Variants in MAGI2 observed in about 807,000 individuals in gnomAD.
The protein encoded by MAGI2 is membrane associated guanylate kinase, WW and PDZ domain containing 2, also known as membrane-associated guanylate kinase, WW and PDZ domain-containing protein 2.
In MAGI2, 35 loss-of-function variants were observed where a neutral mutation model predicts 133.3. The ratio of observed to expected loss-of-function variants is 0.26; its 90% CI spans 0.20 to 0.35. MAGI2 has a LOEUF of 0.35. Ranked by LOEUF, MAGI2 falls within the 10% of genes least tolerant of loss-of-function variation. The probability of loss-of-function intolerance (pLI) is 1.00; values close to 1 mark genes in which losing one functional copy is unlikely to be tolerated. For synonymous variants in MAGI2, 729 were observed against 710.6 expected, an observed-to-expected ratio of 1.03 and a Z score of -0.41; for missense variants, 1,636 against 1,863.4, an observed-to-expected ratio of 0.88 and a Z score of 2.25.
At chr7:78,797,541 G>C (rs935825139) in intron 2 of MAGI2, among the ~76,000 whole-genome samples, 1 of 152,078 alleles carries the variant, frequency 6.6e-6, no homozygotes, top group African/African-American at 2.4e-5. Flanking sequence ...ATTTTAAGAA[G>C]AGTAATTGGA....
intron 3 of MAGI2, chr7:78,616,555 T>C (rs1563248186): frequency 6.6e-6 from 1 of 152,086 alleles, no homozygotes; most frequent in Non-Finnish European, 1.5e-5. Context: ...ACTATGGGAA[T>C]GGCCATAGCA....
intron 1 of MAGI2, among the ~76,000 whole-genome samples, chr7:79,234,779 C>T (rs1317174594): frequency 1.3e-5 from 2 of 151,000 alleles, no homozygotes; most frequent in Non-Finnish European, 3.0e-5. Flanking sequence ...CGTCTGAAGC[C>T]TTCTTCTCTC....
rs114469971 is a variant in MAGI2, at chr7:78,043,966, A to G, written c.3707-23990T>C. ...ATTAATGGATTGGGCCAGTTACTAG[A>G]GTAGAAATCTTTCAGGTTCAAGCTA... is the stretch of plus-strand genomic sequence containing the variant. On this transcript the variant is annotated intron_variant, in intron 21 of 21. Transcript: ENST00000354212. Among the ~76,000 whole-genome samples the G allele has an allele frequency of 6.3e-3, 966 of 152,348 alleles. 11 individuals are homozygous for G. The highest frequency in any genetic ancestry group is 0.022 in the African/African-American group (927 of 41,582).
intron 21 of MAGI2, among the ~76,000 whole-genome samples, chr7:78,021,953 T>C (rs1443301282): frequency 6.6e-6 from 1 of 152,202 alleles, no homozygotes; most frequent in Non-Finnish European, 1.5e-5. Context: ...TGCCTACTTA[T>C]GGATTGGGCT....
intron 2 of MAGI2, among the ~76,000 whole-genome samples, chr7:78,820,710 G>C (rs1355194249): frequency 6.6e-6 from 1 of 151,884 alleles, no homozygotes; most frequent in African/African-American, 2.4e-5. Context: ...TAAAGTCAAA[G>C]TATTTCTTCT....
intron 2 of MAGI2, among the ~76,000 whole-genome samples, chr7:78,764,439 G>A (rs973838646): frequency 4.6e-5 from 7 of 152,150 alleles, no homozygotes; most frequent in Admixed American, 3.9e-4. Flanking sequence ...ATAAAATCTC[G>A]ATGAATTTGT....
rs201246548 is a variant in MAGI2 at position 78,545,475 on chromosome 7, G to A, written c.539-23830C>T. 7.2e-5 allele frequency among the ~76,000 whole-genome samples: 11 copies of A among 152,216 alleles called. No individual in the cohort carries two copies. The East Asian group carries it at 2.1e-3, about 29-fold the overall frequency. ...GATCCACTCACCTCAGCCTCCCAAA[G>A]TGCTGGGATTACAGGTGTGAGCCAC... On this transcript the variant is annotated intron_variant, in intron 3 of 21. Coordinates refer to ENST00000354212, the MANE Select transcript of MAGI2 (RefSeq NM_012301.4).
intron 1 of MAGI2, among the ~76,000 whole-genome samples, chr7:79,388,226 TTTTA>T (rs1844334831): frequency 1.3e-5 from 2 of 152,012 alleles, no homozygotes; most frequent in South Asian, 4.1e-4. Flanking sequence ...AAAACATGCC[TTTTA>T]AATCTCTGAC....
intron 6 of MAGI2, among the ~76,000 whole-genome samples, chr7:78,454,182 G>A (rs1021625424): frequency 6.6e-6 from 1 of 152,128 alleles, no homozygotes; most frequent in African/African-American, 2.4e-5. Context: ...GCATGAGTAG[G>A]AAACCGACAG....
intron 6 of MAGI2, among the ~76,000 whole-genome samples, chr7:78,466,026 G>C (rs1285701310): frequency 6.6e-6 from 1 of 152,102 alleles, no homozygotes; most frequent in African/African-American, 2.4e-5. Flanking sequence ...CTCTTTCATG[G>C]ACCACTCCAA....
chr7:79,357,594 C>T (rs568793420), intron 1 of MAGI2, among the ~76,000 whole-genome samples: 21 of 152,216 alleles, frequency 1.4e-4, no homozygotes, highest in African/African-American at 4.8e-4. Flanking sequence ...AAGTTAAATG[C>T]GGAAACTAAG....
chr7:78,611,204 C>T (rs1480379114), intron 3 of MAGI2, among the ~76,000 whole-genome samples: 1 of 152,196 alleles, frequency 6.6e-6, no homozygotes, highest in Non-Finnish European at 1.5e-5. Context: ...AGTTCTTAGT[C>T]TGTGCTTGGC....
chr7:78,766,424 T>C (rs1825033676), intron 2 of MAGI2, among the ~76,000 whole-genome samples: 1 of 152,200 alleles, frequency 6.6e-6, no homozygotes, highest in African/African-American at 2.4e-5. Context: ...GGTGAATAAG[T>C]TGAGTAGCTG....
At chr7:79,125,177 GT>G (rs1305092401) in intron 1 of MAGI2, 4 of 348,618 alleles carry the variant, frequency 1.1e-5, no homozygotes, top group African/African-American at 4.3e-5. Context: ...AGGGGCTTTG[GT>G]TTTGTAAACA....
intron 6 of MAGI2, among the ~76,000 whole-genome samples, chr7:78,445,025 A>C (rs1787994243): frequency 6.6e-6 from 1 of 151,626 alleles, no homozygotes. Context: ...CATTGGCTCT[A>C]TCTGGGCAGG....
At chr7:79,167,972 A>G (rs1383532167) in intron 1 of MAGI2, among the ~76,000 whole-genome samples, 1 of 152,126 alleles carries the variant, frequency 6.6e-6, no homozygotes, top group Non-Finnish European at 1.5e-5. Flanking sequence ...CACAAACAAT[A>G]GCATGAACGA....
rs3028947 is a variant in MAGI2, at chr7:79,442,451, AGTGTGTGT to A, written c.301+10561_301+10568del. Reference sequence around the variant, plus strand: ...TGGCACTGAACCTTAGTGTTTGAAGAGTGTGTGTGTGTGTGTGTGTGTGTGTGTGTGTG... The same window carrying A: ...TGGCACTGAACCTTAGTGTTTGAAGAGTGTGTGTGTGTGTGTGTGTGTGTG... On this transcript the variant is annotated intron_variant, in intron 1 of 21. Coordinates refer to ENST00000354212, the MANE Select transcript of MAGI2 (RefSeq NM_012301.4). 2.2e-3 allele frequency among the ~76,000 whole-genome samples: 313 copies of A among 145,222 alleles called. 3 individuals carry two copies. The highest frequency in any genetic ancestry group is 7.1e-3 in the African/African-American group (279 of 39,326).
At chr7:79,239,605 C>G (rs1832223303) in intron 1 of MAGI2, among the ~76,000 whole-genome samples, 1 of 152,170 alleles carries the variant, frequency 6.6e-6, no homozygotes, top group African/African-American at 2.4e-5. Flanking sequence ...AAAAATTCCA[C>G]CCCCTGACAT....
At chr7:78,823,685 T>C (rs1263469620) in intron 2 of MAGI2, among the ~76,000 whole-genome samples, 1 of 151,812 alleles carries the variant, frequency 6.6e-6, no homozygotes, top group East Asian at 1.9e-4. Context: ...GATGAAAAGG[T>C]TAGGTAGAAG....
Sources: gnomAD v4.1 joint callset for allele counts (sites outside exome capture counted in the v4.1 genomes callset) on GRCh38, gnomAD v4.1.1 for gene constraint, MANE v1.5 for transcripts, NCBI Gene and HGNC (gene_info 2026-07-23, HGNC 2026-07-21) for gene names.